The following TRHDE variants were observed in gnomAD, a reference collection of about 807,000 sequenced individuals.
TRHDE encodes the protein thyrotropin releasing hormone degrading enzyme.
TRHDE carries 72 observed loss-of-function variants against 125.7 expected under a neutral mutation model. That is an observed-to-expected ratio of 0.57 (90% CI 0.47 to 0.70). TRHDE has a LOEUF of 0.70. Among genes scored for constraint, TRHDE ranks in the 30% least tolerant of loss-of-function variants. TRHDE has a pLI of 0.00. For missense variants in TRHDE, 1,110 were observed against 1,327.1 expected, an observed-to-expected ratio of 0.84 and a Z score of 2.54; for synonymous variants, 509 against 509.1, an observed-to-expected ratio of 1.00 and a Z score of 0.00.
Position 72,621,693 on chromosome 12 carries a change from C to T in TRHDE, c.2617C>T (p.His873Tyr). Reference sequence around the variant, plus strand: ...GCTGGCCTGCAGTTTTGGCAACAAGCACTGTCACCAACAGGCATCAACACT... The same window carrying T: ...GCTGGCCTGCAGTTTTGGCAACAAGTACTGTCACCAACAGGCATCAACACT... ...IMLACSFGNK[H>Y]CHQQASTLIS... is the part of the protein sequence containing the mutation. Residue 873 changes from histidine (H) to tyrosine (Y), a missense_variant, in exon 15 of 19, where the codon CAC (histidine) becomes TAC (tyrosine). His to Tyr is a moderately conservative substitution (Grantham distance 83). Around this residue, in one of 5 missense-constraint regions of TRHDE, gnomAD observed 527 missense variants for 651.8 expected, o/e 0.81. Coordinates refer to ENST00000261180, the MANE Select transcript of TRHDE (RefSeq NM_013381.3). 1 of 1,608,438 alleles carries T rather than the reference C, an allele frequency of 6.2e-7. No individual in the cohort carries two copies. The highest frequency in any genetic ancestry group is 8.5e-7 in the Non-Finnish European group (1 of 1,178,256).
At chr12:72,186,036 T>A (rs888982403) in intron 2 of TRHDE, 1 of 152,306 alleles carries the variant, frequency 6.6e-6, no homozygotes, top group Non-Finnish European at 1.5e-5. Flanking sequence ...CAGCAGGATG[T>A]GGGTGGGGCC....
chr12:72,637,812 T>C (rs1456717440), intron 15 of TRHDE, among the ~76,000 whole-genome samples: 2 of 152,126 alleles, frequency 1.3e-5, no homozygotes, highest in South Asian at 2.1e-4. Flanking sequence ...AGTTGAGTGG[T>C]TTTGAGTGAG....
intron 1 of TRHDE, among the ~76,000 whole-genome samples, chr12:72,092,665 G>A (rs1453476810): frequency 6.6e-6 from 1 of 152,204 alleles, no homozygotes; most frequent in African/African-American, 2.4e-5. Flanking sequence ...TGAGGCTAAC[G>A]GAGTGCAATG....
At chr12:72,302,493 T>G (rs1868277089) in intron 2 of TRHDE, among the ~76,000 whole-genome samples, 1 of 152,288 alleles carries the variant, frequency 6.6e-6, no homozygotes, top group East Asian at 1.9e-4. Context: ...ATCATCTCAT[T>G]TAATATTTAT....
At chr12:72,557,494 T>TAA (rs1869978802) in intron 7 of TRHDE, among the ~76,000 whole-genome samples, 1 of 152,176 alleles carries the variant, frequency 6.6e-6, no homozygotes, top group African/African-American at 2.4e-5. Flanking sequence ...TATGGAATCA[T>TAA]CCCTTTATGT....
At position 72,308,108 on chromosome 12, in the gene TRHDE, C is replaced by T. The variant is rs371174085; in HGVS notation, c.1188+21154C>T. The stretch of plus-strand genomic sequence containing the variant: ...TTTAAGATCATCCTCTAGTTTACAT[C>T]ATTATGGAGGGAGGAACTAGCGAGA... On this transcript the variant is annotated intron_variant, in intron 2 of 18. Coordinates refer to ENST00000261180, the MANE Select transcript of TRHDE (RefSeq NM_013381.3). Among the ~76,000 whole-genome samples the T allele has an allele frequency of 5.9e-5, 9 of 151,500 alleles. No individual in the cohort carries two copies. The East Asian group carries it at 7.8e-4, about 13-fold the overall frequency.
intron 15 of TRHDE, among the ~76,000 whole-genome samples, chr12:72,642,375 A>G (rs1334379352): frequency 6.6e-6 from 1 of 152,226 alleles, no homozygotes; most frequent in African/African-American, 2.4e-5. Context: ...TTATTTCACA[A>G]TGATACACTG....
intron 2 of TRHDE, among the ~76,000 whole-genome samples, chr12:72,114,882 A>G (rs944440461): frequency 6.6e-6 from 1 of 152,158 alleles, no homozygotes; most frequent in Admixed American, 6.6e-5. Context: ...TATTATTTTC[A>G]TGGTATGGTT....
intron 3 of TRHDE, among the ~76,000 whole-genome samples, chr12:72,418,139 G>A (rs1465800596): frequency 6.6e-6 from 1 of 152,036 alleles, no homozygotes; most frequent in Non-Finnish European, 1.5e-5. Context: ...GAGGCATAAA[G>A]ATGTGAATCA....
chr12:72,403,488 T>C (rs1447946363), intron 3 of TRHDE, among the ~76,000 whole-genome samples: 2 of 152,222 alleles, frequency 1.3e-5, no homozygotes, highest in African/African-American at 4.8e-5. Flanking sequence ...AAACAGGTCC[T>C]AATATTTTTC....
chr12:72,411,744 T>G (rs1298841679), intron 3 of TRHDE, among the ~76,000 whole-genome samples: 1 of 152,096 alleles, frequency 6.6e-6, no homozygotes, highest in Non-Finnish European at 1.5e-5. Flanking sequence ...CAAAACATAT[T>G]TTAAAGTTAT....
At chr12:72,620,982 T>C in intron 13 of TRHDE, 126 bp from the exon 14 acceptor site, 4 of 513,634 alleles carry the variant, frequency 7.8e-6, no homozygotes, top group Non-Finnish European at 1.4e-5. Context: ...ACTGTACTTA[T>C]AATTTTATGG....
At chr12:72,172,618 G>A (rs1160260520) in intron 2 of TRHDE, among the ~76,000 whole-genome samples, 1 of 152,096 alleles carries the variant, frequency 6.6e-6, no homozygotes, top group East Asian at 1.9e-4. Context: ...AGTAGGGGTG[G>A]GAAATATCAA....
intron 2 of TRHDE, among the ~76,000 whole-genome samples, chr12:72,130,336 C>G (rs1168141054): frequency 6.6e-6 from 1 of 152,002 alleles, no homozygotes. Flanking sequence ...AAATTCAATG[C>G]TGAGGTAATT....
chr12:72,591,749 TTTA>T (rs1055188469), intron 12 of TRHDE, among the ~76,000 whole-genome samples: 1 of 151,500 alleles, frequency 6.6e-6, no homozygotes, highest in Non-Finnish European at 1.5e-5. Context: ...AAGAATTTTT[TTTA>T]TTATTATTAT....
At chr12:72,327,597 T>C (rs1239148755) in intron 2 of TRHDE, among the ~76,000 whole-genome samples, 1 of 152,188 alleles carries the variant, frequency 6.6e-6, no homozygotes, top group Non-Finnish European at 1.5e-5. Flanking sequence ...GGGAAACTGC[T>C]CTGAGATCAC....
At chr12:72,382,169 G>C (rs1181003764) in intron 3 of TRHDE, among the ~76,000 whole-genome samples, 1 of 152,160 alleles carries the variant, frequency 6.6e-6, no homozygotes, top group Non-Finnish European at 1.5e-5. Context: ...AGTGGGGAAA[G>C]CATTTCAAAA....
chr12:72,600,827 C>G (rs1409921652), intron 12 of TRHDE, among the ~76,000 whole-genome samples: 1 of 152,014 alleles, frequency 6.6e-6, no homozygotes, highest in Non-Finnish European at 1.5e-5. Flanking sequence ...ACCTACTGCT[C>G]AGGGAAAACC....
chr12:72,663,049 C>T lies in TRHDE; in HGVS notation c.3067-3C>T, dbSNP rs1382548481. 6.3e-7 allele frequency: 1 copy of T among 1,599,774 alleles called. No individual in the cohort carries two copies. The highest frequency in any genetic ancestry group is 8.5e-7 in the Non-Finnish European group (1 of 1,173,948). ...TTTACCATTTAAAAATTTCTCTTTC[C>T]AGCTCAAGAACTTCATGAAAAACTA... On this transcript the variant is annotated splice_region_variant and splice_polypyrimidine_tract_variant and intron_variant, in intron 18 of 18. Coordinates refer to ENST00000261180, the MANE Select transcript of TRHDE (RefSeq NM_013381.3).
Sources: gnomAD v4.1 joint callset for allele counts (sites outside exome capture counted in the v4.1 genomes callset) on GRCh38, gnomAD v4.1.1 for gene constraint, gnomAD v4.1.1 regional missense constraint, MANE v1.5 for transcripts, NCBI Gene and HGNC (gene_info 2026-07-23, HGNC 2026-07-21) for gene names.